Variants in MED13 observed in about 807,000 individuals in gnomAD.
MED13 encodes mediator complex subunit 13, also known as mediator of RNA polymerase II transcription subunit 13.
Under a neutral mutation model 225.2 loss-of-function variants are expected in MED13, and 23 were observed. That is an observed-to-expected ratio of 0.10 (90% CI 0.07 to 0.14). MED13 has a LOEUF of 0.14. Ranked by LOEUF, MED13 falls within the 10% of genes least tolerant of loss-of-function variation. MED13 has a pLI of 1.00. For missense variants in MED13, 2,197 were observed against 2,594.5 expected (o/e 0.85, Z 3.33); for synonymous variants, 942 against 889.2 (o/e 1.06, Z -1.06).
At chr17:61,971,967 T>A (rs969179480) in intron 17 of MED13, among the ~76,000 whole-genome samples, 1 of 151,966 alleles carries the variant, frequency 6.6e-6, no homozygotes, top group Admixed American at 6.6e-5. Flanking sequence ...TAAAATAAAA[T>A]AAAATATATT....
intron 9 of MED13, among the ~76,000 whole-genome samples, chr17:61,997,957 CTGTT>C (rs1247232996): frequency 2.6e-5 from 4 of 152,092 alleles, no homozygotes; most frequent in South Asian, 2.1e-4. Context: ...CTAAATATGA[CTGTT>C]TGTTATTTTA....
chr17:61,975,772 T>G (rs531422115), intron 16 of MED13, among the ~76,000 whole-genome samples: 88 of 152,124 alleles, frequency 5.8e-4, no homozygotes, highest in African/African-American at 2.1e-3. Context: ...TCCCAGCACT[T>G]TGGGAGGCCG....
intron 9 of MED13, among the ~76,000 whole-genome samples, chr17:62,001,087 G>A (rs2080390763): frequency 1.3e-5 from 2 of 151,872 alleles, no homozygotes; most frequent in South Asian, 4.2e-4. Context: ...TTATTCCAAG[G>A]TACTTCTACT....
At chr17:62,013,158 T>C (rs1053036648) in intron 8 of MED13, among the ~76,000 whole-genome samples, 4 of 151,280 alleles carry the variant, frequency 2.6e-5, no homozygotes, top group Admixed American at 1.3e-4. Context: ...ACCAAAGTTA[T>C]CAAAAAAAAC....
chr17:62,060,355 C>T (rs1051749898), intron 2 of MED13, among the ~76,000 whole-genome samples: 2 of 151,634 alleles, frequency 1.3e-5, no homozygotes, highest in Non-Finnish European at 2.9e-5. Flanking sequence ...TAAAACCCTA[C>T]CTCCTGCCTG....
chr17:61,966,434 C>T, intron 19 of MED13, 28 bp downstream of exon 19: 3 of 1,577,432 alleles, frequency 1.9e-6, no homozygotes, highest in Non-Finnish European at 2.6e-6. Context: ...CTAACACCAG[C>T]CTTATACAAT....
chr17:61,952,903 G>A, intron 27 of MED13, 62 bp downstream of exon 27: 1 of 1,552,448 alleles, frequency 6.4e-7, no homozygotes, highest in Admixed American at 1.9e-5. Flanking sequence ...CCAAAGTGCT[G>A]GGATTTTAGG....
Position 62,048,543 on chromosome 17 carries a change from C to T in MED13, c.470+3994G>A, listed in dbSNP as rs139317656. On this transcript the variant is annotated intron_variant, in intron 3 of 29. Transcript: ENST00000397786. Reference sequence around the variant, plus strand: ...TTGAAATGGTTGAAACAGAGGGACTCAGAATTAGAGATATTCAGATACAGC... The same window carrying T: ...TTGAAATGGTTGAAACAGAGGGACTTAGAATTAGAGATATTCAGATACAGC... Among the ~76,000 whole-genome samples the T allele has an allele frequency of 9.9e-4, 151 of 151,982 alleles. No individual in the cohort carries two copies. In the East Asian group the frequency reaches 0.025, roughly 25 times the overall value.
chr17:62,052,780 T>A, intron 2 of MED13, 75 bp from the exon 3 acceptor site: 1 of 1,107,596 alleles, frequency 9.0e-7, no homozygotes, highest in Non-Finnish European at 1.2e-6. Flanking sequence ...AAGGTTACAG[T>A]TTAAACTCTA....
chr17:61,968,201 T>A lies in MED13; in HGVS notation c.4025A>T (p.Tyr1342Phe). ...PIPTFLLGYD[Y>F]DYLVLSPFAL... The stretch of plus-strand genomic sequence containing the variant: ...AAATGGAGAAAGCACCAGATAATCA[T>A]AATCATAACCCAACAAAAATGTGGG... Residue 1342 changes from tyrosine to phenylalanine, a missense_variant, in exon 18 of 30, where the codon TAT (tyrosine) becomes TTT (phenylalanine). This residue lies in a region of MED13 where 47 missense variants were observed against 93.8 expected (regional missense o/e 0.50). Coordinates refer to ENST00000397786, the MANE Select transcript of MED13 (RefSeq NM_005121.3). The A allele has an allele frequency of 6.2e-7, 1 of 1,614,120 alleles. No homozygotes were observed. Among genetic ancestry groups the A allele is most frequent in the Non-Finnish European group, 8.5e-7 (1 of 1,179,996 alleles).
At chr17:61,993,844 T>G (rs1396579216) in intron 10 of MED13, among the ~76,000 whole-genome samples, 1 of 151,514 alleles carries the variant, frequency 6.6e-6, no homozygotes, top group Non-Finnish European at 1.5e-5. Flanking sequence ...GGCAGGAGAA[T>G]CACTTGAATC....
chr17:62,050,813 G>A (rs1292908660), intron 3 of MED13, among the ~76,000 whole-genome samples: 1 of 152,158 alleles, frequency 6.6e-6, no homozygotes, highest in African/African-American at 2.4e-5. Flanking sequence ...AGACAAGCCT[G>A]GGCAACATGG....
At chr17:61,954,050 C>T (rs1032525569) in intron 26 of MED13, among the ~76,000 whole-genome samples, 33 of 152,168 alleles carry the variant, frequency 2.2e-4, no homozygotes, top group Admixed American at 2.2e-3. Flanking sequence ...AATGTGGTCT[C>T]TCTCTCTCTC....
Position 61,962,642 on chromosome 17 carries a change from G to A in MED13, c.5064+110C>T, listed in dbSNP as rs889452107. Reference sequence around the variant, plus strand: ...ATATTAAAGTAAAATCAATATAATAGAACTTGGCTTTTAGATAATCAATTT... The same window carrying A: ...ATATTAAAGTAAAATCAATATAATAAAACTTGGCTTTTAGATAATCAATTT... On this transcript the variant is annotated intron_variant, in intron 21 of 29. Transcript: ENST00000397786. 7.5e-6 allele frequency: 6 copies of A among 803,820 alleles called. No homozygotes were observed. In the African/African-American group the frequency reaches 1.0e-4, roughly 14 times the overall value. The allele number at this position is 803,820 out of a possible 1,614,324, so 49.8% of individuals were successfully genotyped here. A position where few individuals can be genotyped will look rare whatever the true frequency, so the allele number is the denominator to read the frequency against.
At chr17:62,012,232 AAAAC>A (rs1452922583) in intron 8 of MED13, among the ~76,000 whole-genome samples, 1 of 151,984 alleles carries the variant, frequency 6.6e-6, no homozygotes, top group Non-Finnish European at 1.5e-5. Context: ...AACAAAAACA[AAAAC>A]AAACAAAAAA....
chr17:61,977,699 C>T (rs1344568619), intron 16 of MED13, among the ~76,000 whole-genome samples: 4 of 152,192 alleles, frequency 2.6e-5, no homozygotes, highest in African/African-American at 9.6e-5. Flanking sequence ...CCACTTGCCT[C>T]GGCCTCCCAA....
intron 17 of MED13, among the ~76,000 whole-genome samples, chr17:61,968,576 C>T (rs958184114): frequency 2.0e-5 from 3 of 152,144 alleles, no homozygotes; most frequent in African/African-American, 2.4e-5. Context: ...CCGCCCACCT[C>T]GGCCTCCCAA....
At chr17:62,002,232 G>A (rs1049256300) in intron 9 of MED13, among the ~76,000 whole-genome samples, 3 of 152,104 alleles carry the variant, frequency 2.0e-5, no homozygotes, top group Admixed American at 2.0e-4. Flanking sequence ...GCTCACTCCT[G>A]TAATCCCAGC....
In MED13 at chr17:61,982,966, T is replaced by G. The variant is rs759608094; in HGVS notation, c.3037A>C (p.Arg1013=). Residue 1013 remains arginine, a synonymous_variant, in exon 16 of 30, where the codon AGG becomes CGG. Transcript: ENST00000397786. ...GGAGTCCGAGGAGTCCTTGGAGTCC[T>G]TGGAGTTGGAAACCGAGGGGTGGAT... is the stretch of plus-strand genomic sequence containing the variant. ...SPSTPRFPTP[R]TPRTPRTPRG... The G allele has an allele frequency of 6.2e-7, 1 of 1,613,906 alleles. No individual in the cohort carries two copies. The highest frequency in any genetic ancestry group is 8.5e-7 in the Non-Finnish European group (1 of 1,179,858).
Sources: gnomAD v4.1 joint callset for allele counts (sites outside exome capture counted in the v4.1 genomes callset) on GRCh38, gnomAD v4.1.1 for gene constraint, gnomAD v4.1.1 regional missense constraint, MANE v1.5 for transcripts, NCBI Gene and HGNC (gene_info 2026-07-23, HGNC 2026-07-21) for gene names.